FGF13: variants seen among roughly 807,000 people sequenced by gnomAD.
FGF13 encodes fibroblast growth factor homologous factor 2.
FGF13 carries 2 observed loss-of-function variants against 19.5 expected under a neutral mutation model. The ratio of observed to expected loss-of-function variants is 0.10; its 90% CI spans 0.04 to 0.32. FGF13 has a LOEUF of 0.32. Ranked by LOEUF, FGF13 falls within the 10% of genes least tolerant of loss-of-function variation. The pLI, the probability that FGF13 is intolerant of heterozygous loss-of-function variation, is 1.00. For synonymous variants in FGF13, 72 were observed against 76.9 expected (o/e 0.94, Z 0.33); for missense variants, 113 against 192.7 (o/e 0.59, Z 2.45).
intron 3 of FGF13, among the ~76,000 whole-genome samples, chrX:138,657,203 T>C (rs1356939420): frequency 2.7e-5 from 3 of 112,083 alleles, no homozygotes; most frequent in Non-Finnish European, 5.6e-5. Flanking sequence ...TGATTGCCTA[T>C]GGGCAGGGTA....
intron 1 of FGF13, among the ~76,000 whole-genome samples, chrX:139,017,502 C>T (rs1235087833): frequency 9.1e-6 from 1 of 110,458 alleles, no homozygotes; most frequent in Non-Finnish European, 1.9e-5. Context: ...GCAGTGAGAA[C>T]AAACATTGGT....
chrX:138,822,359 C>G, intron 3 of FGF13, among the ~76,000 whole-genome samples: 1 of 111,938 alleles, frequency 8.9e-6, no homozygotes, highest in Non-Finnish European at 1.9e-5. Flanking sequence ...CTGATGGAAA[C>G]AAATTACCAA....
chrX:138,893,764 G>A (rs1235047186), intron 1 of FGF13, among the ~76,000 whole-genome samples: 2 of 111,530 alleles, frequency 1.8e-5, no homozygotes, highest in African/African-American at 6.5e-5. Context: ...ACCTTGTATA[G>A]TGCCCAGCAT....
intron 1 of FGF13, among the ~76,000 whole-genome samples, chrX:138,995,957 C>T (rs1326441089): frequency 4.5e-5 from 5 of 111,587 alleles, no homozygotes; most frequent in Admixed American, 3.8e-4. Flanking sequence ...AGAGGGGAAT[C>T]GCCCATCCCA....
intron 1 of FGF13, among the ~76,000 whole-genome samples, chrX:139,059,306 G>A (rs2092328849): frequency 9.1e-6 from 1 of 110,492 alleles, no homozygotes; most frequent in African/African-American, 3.3e-5. Flanking sequence ...TTAGTCATTT[G>A]ACCCCTCAAC....
intron 1 of FGF13, among the ~76,000 whole-genome samples, chrX:138,984,523 G>GAACAAGAAGAA (rs2091979498): frequency 0.019 from 603 of 31,576 alleles, 163 homozygotes; most frequent in Middle Eastern, 0.035. Context: ...AAGAAGAAGA[G>GAACAAGAAGAA]GAAGAAGAAG....
At position 138,629,350 on chromosome X, in the gene FGF13, T is replaced by C. The variant is rs759032273; in HGVS notation, c.*3500A>G. 1.1e-4 allele frequency: 12 copies of C among 112,139 alleles called. No individual in the cohort carries two copies. Among genetic ancestry groups the C allele is most frequent in the East Asian group, 2.8e-4 (1 of 3,554 alleles). The allele number at this position is 112,139 out of a possible 1,213,427, so 9.2% of individuals were successfully genotyped here. The stretch of plus-strand genomic sequence containing the variant: ...TGCACGCTAATCCTGAAGAAAGGAA[T>C]AGTGTATGCCAGTGTGATATGGTTT... On this transcript the variant is annotated 3_prime_UTR_variant, in exon 5 of 5. Transcript: ENST00000315930.
chrX:139,186,354 C>T (rs986058824), intron 1 of FGF13, among the ~76,000 whole-genome samples: 1 of 111,769 alleles, frequency 8.9e-6, no homozygotes, highest in African/African-American at 3.3e-5. Context: ...CATTGTACCA[C>T]TCATGTTATT....
At chrX:139,190,221 T>G (rs1470520185) in intron 1 of FGF13, among the ~76,000 whole-genome samples, 1 of 111,957 alleles carries the variant, frequency 8.9e-6, no homozygotes. Flanking sequence ...AGAATTGTCC[T>G]GTATTTTAGA....
Position 138,629,685 on chromosome X carries a change from T to G in FGF13, c.*3165A>C, listed in dbSNP as rs961538840. On this transcript the variant is annotated 3_prime_UTR_variant, in exon 5 of 5. Coordinates refer to ENST00000315930, the MANE Select transcript of FGF13 (RefSeq NM_004114.5). ...ATAAATTACCCAGTCTCAGGTAGTA[T>G]CTTTATAGCAGCGTGAGAATGAACT... 1 of 111,417 alleles carries G rather than the reference T, an allele frequency of 9.0e-6. No homozygotes were observed. Among genetic ancestry groups the G allele is most frequent in the Admixed American group, 9.6e-5 (1 of 10,394 alleles). 9.2% of individuals were successfully genotyped at this position (111,417 alleles called of 1,213,427 possible).
intron 3 of FGF13, chrX:138,667,703 T>C: frequency 2.7e-6 from 1 of 371,390 alleles, no homozygotes; most frequent in South Asian, 2.4e-5. Context: ...CATACGGTGG[T>C]AGTCTGTGCC....
chrX:139,030,313 C>G (rs78980853), intron 1 of FGF13, among the ~76,000 whole-genome samples: 2 of 111,188 alleles, frequency 1.8e-5, no homozygotes, highest in East Asian at 5.7e-4. Context: ...TAAATGGCAA[C>G]GAAAGCTGGC....
intron 1 of FGF13, among the ~76,000 whole-genome samples, chrX:139,114,149 T>A (rs915349728): frequency 7.2e-5 from 8 of 111,673 alleles, no homozygotes; most frequent in Non-Finnish European, 3.8e-5. Flanking sequence ...CATGAAAAAA[T>A]GCCCTTTGTT....
At chrX:138,918,736 A>C (rs1215007442) in intron 1 of FGF13, among the ~76,000 whole-genome samples, 1 of 111,841 alleles carries the variant, frequency 8.9e-6, no homozygotes, top group Non-Finnish European at 1.9e-5. Flanking sequence ...GCACAAGATG[A>C]TGATTAAACA....
chrX:139,131,720 G>A lies in FGF13; in HGVS notation c.-113+71696C>T, dbSNP rs2083763456. Among the ~76,000 whole-genome samples the A allele has an allele frequency of 4.5e-5, 5 of 111,462 alleles. No individual in the cohort carries two copies. The Admixed American group carries it at 4.8e-4, about 11-fold the overall frequency. ...CCAGTGCACTCCAGCCTGGGTGACA[G>A]AGCATGACCCTGTCTCAAAAAATAA... On this transcript the variant is annotated intron_variant, in intron 1 of 2. Transcript: ENST00000421460.
chrX:139,141,671 A>C (rs73633974), intron 1 of FGF13, among the ~76,000 whole-genome samples: 6,865 of 111,857 alleles, frequency 0.061, 525 homozygotes, highest in African/African-American at 0.21. Flanking sequence ...TGAAAAGTCA[A>C]TTTCCTGGAA....
chrX:138,678,726 T>C (rs1410291549), intron 3 of FGF13, among the ~76,000 whole-genome samples: 1 of 112,313 alleles, frequency 8.9e-6, no homozygotes, highest in Non-Finnish European at 1.9e-5. Flanking sequence ...AGTCTCAGCT[T>C]ATTTAACTTA....
At chrX:139,115,528 C>A (rs1259763157) in intron 1 of FGF13, among the ~76,000 whole-genome samples, 1 of 111,433 alleles carries the variant, frequency 9.0e-6, no homozygotes, top group Non-Finnish European at 1.9e-5. Context: ...GATGAGAGCC[C>A]CATTCCAACT....
At chrX:138,884,671 G>A (rs2091443236) in intron 1 of FGF13, among the ~76,000 whole-genome samples, 2 of 111,851 alleles carry the variant, frequency 1.8e-5, no homozygotes, top group South Asian at 7.4e-4. Flanking sequence ...ATGACGTAAA[G>A]ACAAAGTGAC....
Sources: gnomAD v4.1 joint callset for allele counts (sites outside exome capture counted in the v4.1 genomes callset) on GRCh38, gnomAD v4.1.1 for gene constraint, MANE v1.5 for transcripts, NCBI Gene and HGNC (gene_info 2026-07-23, HGNC 2026-07-21) for gene names.